DOCK2: variants seen among roughly 807,000 people sequenced by gnomAD.
The protein encoded by DOCK2 is dedicator of cytokinesis 2, also known as dedicator of cytokinesis protein 2.
Under a neutral mutation model 248.9 loss-of-function variants are expected in DOCK2, and 87 were observed. That is an observed-to-expected ratio of 0.35 (90% CI 0.29 to 0.42). DOCK2 has a LOEUF of 0.42. Ranked by LOEUF, DOCK2 falls within the 10% of genes least tolerant of loss-of-function variation. DOCK2 has a pLI of 1.00. For missense variants in DOCK2, 1,747 were observed against 2,300.2 expected (o/e 0.76, Z 4.92); for synonymous variants, 805 against 821.6 (o/e 0.98, Z 0.35).
At chr5:170,004,950 G>A (rs1754967804) in intron 30 of DOCK2, among the ~76,000 whole-genome samples, 1 of 145,384 alleles carries the variant, frequency 6.9e-6, no homozygotes. Flanking sequence ...ATAGCATTGG[G>A]AGATATACCT....
chr5:169,658,607 C>T (rs541132197), intron 2 of DOCK2, among the ~76,000 whole-genome samples: 56 of 150,734 alleles, frequency 3.7e-4, no homozygotes, highest in African/African-American at 1.2e-3. Context: ...TAAATATAAA[C>T]GAAGAGTTGA....
chr5:169,761,678 A>G, intron 25 of DOCK2, 53 bp downstream of exon 25: 4 of 1,500,588 alleles, frequency 2.7e-6, no homozygotes, highest in Non-Finnish European at 3.7e-6. Context: ...TAAACCCCAC[A>G]TCATTTTGGG....
At chr5:169,677,564 C>A (rs1357899898) in intron 6 of DOCK2, among the ~76,000 whole-genome samples, 1 of 152,146 alleles carries the variant, frequency 6.6e-6, no homozygotes, top group Non-Finnish European at 1.5e-5. Context: ...TTCCCCTAAA[C>A]CTGCTGAATA....
intron 36 of DOCK2, among the ~76,000 whole-genome samples, chr5:170,039,224 GCTCTCCCAA>G (rs1756427603): frequency 1.3e-5 from 2 of 152,322 alleles, no homozygotes; most frequent in Admixed American, 6.5e-5. Context: ...TGCCTGGGAA[GCTCTCCCAA>G]CTCATCCCCT....
rs904190367 is a variant in DOCK2, at chr5:169,689,516, T to C, written c.843+183T>C. Reference sequence around the variant, plus strand: ...TGCCTTGAGGAAGCTTTCGGAAAGATGGATGTTCACCTCTGTTTTTCCTCA... The same window carrying C: ...TGCCTTGAGGAAGCTTTCGGAAAGACGGATGTTCACCTCTGTTTTTCCTCA... On this transcript the variant is annotated intron_variant, in intron 9 of 51. Coordinates refer to ENST00000520908, the MANE Select transcript of DOCK2 (RefSeq NM_004946.3). 9.2e-5 allele frequency among the ~76,000 whole-genome samples: 14 copies of C among 152,212 alleles called. 1 individual carries two copies. Among genetic ancestry groups the C allele is most frequent in the Admixed American group, 8.5e-4 (13 of 15,284 alleles).
intron 27 of DOCK2, among the ~76,000 whole-genome samples, chr5:169,855,781 G>T (rs941917303): frequency 1.3e-5 from 2 of 152,196 alleles, no homozygotes; most frequent in Non-Finnish European, 2.9e-5. Flanking sequence ...TTAACGTATG[G>T]TGGGAAAAGG....
At chr5:169,679,262 C>G (rs1445115061) in intron 6 of DOCK2, among the ~76,000 whole-genome samples, 1 of 152,094 alleles carries the variant, frequency 6.6e-6, no homozygotes, top group Non-Finnish European at 1.5e-5. Flanking sequence ...GGGCCTTTTC[C>G]CTCTACCCTC....
At chr5:169,675,596 G>A (rs577732361) in intron 6 of DOCK2, among the ~76,000 whole-genome samples, 1 of 152,228 alleles carries the variant, frequency 6.6e-6, no homozygotes, top group East Asian at 1.9e-4. Flanking sequence ...TGAAGGAGGC[G>A]ACCCCTGAGC....
At chr5:169,785,058 A>G (rs1258806805) in intron 25 of DOCK2, among the ~76,000 whole-genome samples, 1 of 152,208 alleles carries the variant, frequency 6.6e-6, no homozygotes, top group Non-Finnish European at 1.5e-5. Flanking sequence ...GAGCAGTCAG[A>G]AAAACAATCA....
chr5:169,711,323 A>G (rs1376631291), intron 15 of DOCK2, among the ~76,000 whole-genome samples: 4 of 152,150 alleles, frequency 2.6e-5, no homozygotes, highest in African/African-American at 9.7e-5. Context: ...AAGCATCACA[A>G]TCAGTGGTAC....
chr5:170,058,793 G>A (rs1340143255), intron 44 of DOCK2, among the ~76,000 whole-genome samples: 1 of 152,202 alleles, frequency 6.6e-6, no homozygotes, highest in East Asian at 1.9e-4. Context: ...TATTGTATCA[G>A]ACGATAGCAT....
intron 27 of DOCK2, among the ~76,000 whole-genome samples, chr5:169,855,578 T>C (rs1030046424): frequency 1.3e-5 from 2 of 152,162 alleles, no homozygotes; most frequent in African/African-American, 4.8e-5. Flanking sequence ...GCTAGATGTG[T>C]GTCTTAGAGA....
chr5:169,800,892 C>T (rs1324091966), intron 25 of DOCK2, among the ~76,000 whole-genome samples: 1 of 151,136 alleles, frequency 6.6e-6, no homozygotes, highest in Non-Finnish European at 1.5e-5. Flanking sequence ...GAAAGCGGAG[C>T]CTGAGAGACT....
chr5:170,009,710 C>G (rs1045026566), intron 32 of DOCK2, among the ~76,000 whole-genome samples: 2 of 152,200 alleles, frequency 1.3e-5, no homozygotes, highest in African/African-American at 4.8e-5. Context: ...CCCCAGACCT[C>G]TTATTATCTG....
At position 169,934,348 on chromosome 5, in the gene DOCK2, G is replaced by A. The variant is rs117432039; in HGVS notation, c.2800-48720G>A. 1.7e-4 allele frequency among the ~76,000 whole-genome samples: 26 copies of A among 152,224 alleles called. No individual in the cohort carries two copies. In the East Asian group the frequency reaches 4.6e-3, roughly 27 times the overall value. On this transcript the variant is annotated intron_variant, in intron 27 of 51. Transcript: ENST00000520908. ...CCTAGGTACTTTGGTAGTTGTCCCC[G>A]GAGTGGATCATAGCCAATACCACCC...
In DOCK2 at chr5:170,056,742, A is replaced by T; in HGVS notation, c.4354A>T (p.Thr1452Ser). 1 of 1,613,948 alleles carries T rather than the reference A, an allele frequency of 6.2e-7. No individual in the cohort carries two copies. The highest frequency in any genetic ancestry group is 8.5e-7 in the Non-Finnish European group (1 of 1,179,920). ...CTACTCCCGGCCCGTGCGCAGGGGG[A>T]CCGTAGACCCAGAGAATGAGTTTGC... ...FHYSRPVRRG[T>S]VDPENEFASM... The change falls in exon 43 of 52, where the codon ACC becomes TCC. Residue 1452 changes from threonine (T) to serine (S), a missense_variant. By Grantham distance (58) the Thr-to-Ser change is moderately conservative. Transcript: ENST00000520908.
chr5:169,852,242 T>A (rs905207741), intron 27 of DOCK2, among the ~76,000 whole-genome samples: 1 of 152,142 alleles, frequency 6.6e-6, no homozygotes, highest in African/African-American at 2.4e-5. Context: ...ACAAATCTGA[T>A]TTGAGACAAG....
At chr5:169,664,719 C>G (rs1758624550) in intron 2 of DOCK2, among the ~76,000 whole-genome samples, 2 of 152,136 alleles carry the variant, frequency 1.3e-5, no homozygotes, top group Admixed American at 1.3e-4. Flanking sequence ...ATCACCAGAA[C>G]AGCATGAGGG....
chr5:169,690,084 C>T lies in DOCK2; in HGVS notation c.843+751C>T, dbSNP rs141741976. Among the ~76,000 whole-genome samples, 1,264 of 144,516 alleles carry T rather than the reference C, an allele frequency of 8.7e-3. 10 individuals carry two copies. The highest frequency in any genetic ancestry group is 0.013 in the Non-Finnish European group (855 of 66,592). 94.8% of individuals were successfully genotyped at this position (144,516 alleles called of 152,430 possible). A position where few individuals can be genotyped will look rare whatever the true frequency, so the allele number is the denominator to read the frequency against. ...TTTTTTTTTTTTTGAGATGGAGTCTCACTCTGTTGCCCAGGCTGGGGTGCA... is the reference window on the plus strand; with the variant it reads ...TTTTTTTTTTTTTGAGATGGAGTCTTACTCTGTTGCCCAGGCTGGGGTGCA... On this transcript the variant is annotated intron_variant, in intron 9 of 51. Coordinates refer to ENST00000520908, the MANE Select transcript of DOCK2 (RefSeq NM_004946.3).
Sources: gnomAD v4.1 joint callset for allele counts (sites outside exome capture counted in the v4.1 genomes callset) on GRCh38, gnomAD v4.1.1 for gene constraint, MANE v1.5 for transcripts, NCBI Gene and HGNC (gene_info 2026-07-23, HGNC 2026-07-21) for gene names.